Variants in BRD10 observed in about 807,000 individuals in gnomAD.
BRD10 encodes bromodomain containing 10, also known as uncharacterized bromodomain-containing protein 10.
the BRD10 span, among the ~76,000 whole-genome samples, chr9:5,895,275 C>T: frequency 6.6e-6 from 1 of 152,140 alleles, no homozygotes; most frequent in African/African-American, 2.4e-5. Context: ...AAATAAGTAA[C>T]TGCACATGGC....
chr9:5,895,948 A>G, the BRD10 span, among the ~76,000 whole-genome samples: 13 of 152,244 alleles, frequency 8.5e-5, no homozygotes, highest in Admixed American at 1.3e-4. Context: ...GCCACAGGGT[A>G]AAATGAGAGC....
chr9:6,006,276 T>C, the BRD10 span, among the ~76,000 whole-genome samples: 4 of 152,234 alleles, frequency 2.6e-5, no homozygotes, highest in African/African-American at 7.2e-5. Flanking sequence ...CCCCGCTTGA[T>C]AGATGAGGAA....
At chr9:5,896,238 A>G in the BRD10 span, among the ~76,000 whole-genome samples, 4 of 152,252 alleles carry the variant, frequency 2.6e-5, no homozygotes, top group African/African-American at 9.6e-5. Flanking sequence ...GACTGTGGTT[A>G]GGATGAAATA....
At chr9:5,971,004 A>ATTGC in the BRD10 span, among the ~76,000 whole-genome samples, 1 of 137,734 alleles carries the variant, frequency 7.3e-6, no homozygotes. Context: ...GTGAGCCGAG[A>ATTGC]TTGCACCATT....
chr9:6,002,438 A>AT, the BRD10 span, among the ~76,000 whole-genome samples: 3 of 152,152 alleles, frequency 2.0e-5, no homozygotes, highest in Middle Eastern at 3.4e-3. Flanking sequence ...AAAGATTTAT[A>AT]TAAAAAAAAA....
chr9:5,914,300 T>G, the BRD10 span, among the ~76,000 whole-genome samples: 1 of 152,168 alleles, frequency 6.6e-6, no homozygotes, highest in Admixed American at 6.5e-5. Context: ...TTTTCCTTAC[T>G]TAATAATTTA....
At chr9:6,005,178 T>C in the BRD10 span, among the ~76,000 whole-genome samples, 1 of 152,240 alleles carries the variant, frequency 6.6e-6, no homozygotes, top group Non-Finnish European at 1.5e-5. Context: ...AATTTACCTT[T>C]ATGTAGTTTC....
At chr9:5,922,652 T>C in the BRD10 span, 12 of 1,613,872 alleles carry the variant, frequency 7.4e-6, no homozygotes, top group East Asian at 2.7e-4. Context: ...TTTTCCTTCT[T>C]TATGCTGAAT....
chr9:5,959,747 T>C, the BRD10 span, among the ~76,000 whole-genome samples: 1 of 152,208 alleles, frequency 6.6e-6, no homozygotes, highest in Admixed American at 6.5e-5. Flanking sequence ...TACATTACCT[T>C]CTCAGTCATT....
the BRD10 span, among the ~76,000 whole-genome samples, chr9:5,897,868 A>G: frequency 1.3e-5 from 2 of 152,196 alleles, no homozygotes; most frequent in African/African-American, 4.8e-5. Context: ...CCTGTGTCTT[A>G]GTCTGTGATT....
chr9:5,879,895 A>G, the BRD10 span, among the ~76,000 whole-genome samples: 1 of 152,148 alleles, frequency 6.6e-6, no homozygotes, highest in Non-Finnish European at 1.5e-5. Context: ...ATTATTTTTT[A>G]ATGTAACAAG....
chr9:5,928,900 A>C, the BRD10 span: 2 of 479,436 alleles, frequency 4.2e-6, no homozygotes, highest in Non-Finnish European at 7.5e-6. Context: ...GGGCTTAGAA[A>C]GAGCCTTGCA....
the BRD10 span, among the ~76,000 whole-genome samples, chr9:5,879,541 C>G: frequency 1.3e-5 from 2 of 152,184 alleles, no homozygotes; most frequent in Non-Finnish European, 1.5e-5. Context: ...TCCCAATCCC[C>G]AATGCCAGCG....
At chr9:5,969,221 C>T in the BRD10 span, 1 of 1,613,820 alleles carries the variant, frequency 6.2e-7, no homozygotes, top group African/African-American at 1.3e-5. Context: ...AAAAGCATTA[C>T]ACTGAGGCAT....
the BRD10 span, among the ~76,000 whole-genome samples, chr9:5,884,898 T>C: frequency 1.1e-4 from 17 of 152,242 alleles, no homozygotes; most frequent in Non-Finnish European, 1.5e-4. Context: ...CAGCCAGCTC[T>C]GTGCCCGTGT....
chr9:5,979,442 G>T, the BRD10 span, among the ~76,000 whole-genome samples: 1 of 152,078 alleles, frequency 6.6e-6, no homozygotes, highest in East Asian at 1.9e-4. Context: ...GAGCCTGGGA[G>T]GTGGAGTCTG....
chr9:5,922,907 C>T, the BRD10 span: 1 of 1,613,966 alleles, frequency 6.2e-7, no homozygotes, highest in Admixed American at 1.7e-5. Context: ...AAGAGCATTT[C>T]TACCTGTGGA....
chr9:6,004,558 A>G, the BRD10 span, among the ~76,000 whole-genome samples: 1 of 152,336 alleles, frequency 6.6e-6, no homozygotes, highest in East Asian at 1.9e-4. Flanking sequence ...GAACGGCTTT[A>G]AAGTCTCTTT....
chr9:5,965,955 A>C, the BRD10 span, among the ~76,000 whole-genome samples: 8 of 152,304 alleles, frequency 5.3e-5, no homozygotes, highest in East Asian at 1.3e-3. Flanking sequence ...TAACATTGTT[A>C]TATCAATAAG....
Sources: gnomAD v4.1 joint callset for allele counts (sites outside exome capture counted in the v4.1 genomes callset) on GRCh38, gnomAD v4.1.1 for gene constraint, MANE v1.5 for transcripts, NCBI Gene and HGNC (gene_info 2026-07-23, HGNC 2026-07-21) for gene names.